The following FAM135B variants were observed in gnomAD, a reference collection of about 807,000 sequenced individuals.
FAM135B encodes the protein protein FAM135B.
In FAM135B, 43 loss-of-function variants were observed where a neutral mutation model predicts 127.7. The ratio of observed to expected loss-of-function variants is 0.34; its 90% CI spans 0.26 to 0.43. The LOEUF is 0.43. FAM135B is among the 20% of genes least tolerant of loss of function. FAM135B has a pLI of 1.00. For synonymous variants in FAM135B, 670 were observed against 665.1 expected, an observed-to-expected ratio of 1.01 and a Z score of -0.11; for missense variants, 1,558 against 1,725.6, an observed-to-expected ratio of 0.90 and a Z score of 1.72.
chr8:138,261,203 G>T (rs1822512747), intron 4 of FAM135B, among the ~76,000 whole-genome samples: 1 of 152,074 alleles, frequency 6.6e-6, no homozygotes, highest in African/African-American at 2.4e-5. Flanking sequence ...ACCAGGTCTG[G>T]CCTGGGCTCA....
At chr8:138,153,240 T>C (rs2130795160) in intron 12 of FAM135B, 24 bp from the exon 13 acceptor site, 2 of 1,485,388 alleles carry the variant, frequency 1.3e-6, no homozygotes, top group Non-Finnish European at 1.8e-6. Flanking sequence ...AGAAAGAAAA[T>C]TATATTATAG....
chr8:138,132,710 G>A lies in FAM135B; in HGVS notation c.4104C>T (p.His1368=), dbSNP rs367883703. Residue 1368 remains histidine (H), a synonymous_variant, in exon 20 of 20, where the codon CAC becomes CAT. Coordinates refer to ENST00000395297, the MANE Select transcript of FAM135B (RefSeq NM_015912.4). This position sits in a 1 kb window ranked among gnomAD's most constrained non-coding sequence, Gnocchi z 4.5. ...DCTLIRHNVF[H]ALPNTANTLI... ...GGGTGTTGGCAGTGTTGGGCAGGGC[G>A]TGGAACACGTTGTGTCGGATTAAAG... 48 of 1,614,074 alleles carry A rather than the reference G, an allele frequency of 3.0e-5. No homozygotes were observed. Among genetic ancestry groups the A allele is most frequent in the Middle Eastern group, 1.6e-4 (1 of 6,084 alleles).
chr8:138,291,486 C>A (rs1273456822), intron 3 of FAM135B, among the ~76,000 whole-genome samples: 1 of 151,908 alleles, frequency 6.6e-6, no homozygotes, highest in African/African-American at 2.4e-5. Flanking sequence ...ATAAGGCCAT[C>A]CAAGAAAAAA....
Position 138,196,082 on chromosome 8 carries a change from G to A in FAM135B, c.824-775C>T, listed in dbSNP as rs529033076. 5.3e-5 allele frequency among the ~76,000 whole-genome samples: 8 copies of A among 152,278 alleles called. No homozygotes were observed. In the South Asian group the frequency reaches 8.3e-4, roughly 16 times the overall value. ...AATGAACTATTGATACATTAGTCACGGCTATGTATCCTCAGTGTCTAGCAC... is the reference window on the plus strand; with the variant it reads ...AATGAACTATTGATACATTAGTCACAGCTATGTATCCTCAGTGTCTAGCAC... On this transcript the variant is annotated intron_variant, in intron 8 of 19. Transcript: ENST00000395297.
At chr8:138,226,478 G>T (rs1335449683) in intron 7 of FAM135B, among the ~76,000 whole-genome samples, 1 of 152,134 alleles carries the variant, frequency 6.6e-6, no homozygotes, top group Non-Finnish European at 1.5e-5. Context: ...CCAAAGAGTA[G>T]GGGTTGTCCA....
chr8:138,315,246 AC>A (rs1826993528), intron 2 of FAM135B, among the ~76,000 whole-genome samples: 1 of 152,300 alleles, frequency 6.6e-6, no homozygotes, highest in South Asian at 2.1e-4. Flanking sequence ...CCAGGGAAAC[AC>A]AAATCAAAAC....
intron 3 of FAM135B, among the ~76,000 whole-genome samples, chr8:138,298,663 A>C (rs1193173399): frequency 6.6e-6 from 1 of 152,214 alleles, no homozygotes; most frequent in Admixed American, 6.5e-5. Context: ...ATACAATAAT[A>C]TAATAGTGAC....
intron 1 of FAM135B, among the ~76,000 whole-genome samples, chr8:138,486,865 G>C (rs1815002827): frequency 6.6e-6 from 1 of 152,272 alleles, no homozygotes; most frequent in Non-Finnish European, 1.5e-5. Context: ...TAACTGCCCA[G>C]GGTCCCTTGG....
Position 138,243,082 on chromosome 8 carries a change from A to C in FAM135B, c.543-14T>G, listed in dbSNP as rs745521505. On this transcript the variant is annotated splice_polypyrimidine_tract_variant and intron_variant, in intron 6 of 19. Coordinates refer to ENST00000395297, the MANE Select transcript of FAM135B (RefSeq NM_015912.4). The surrounding 1 kb of genome is among the most constrained non-coding windows in gnomAD (Gnocchi z 7.5). ...GGACGAGTAAAACTAAACAAAAGAT[A>C]ATTGAAAGGGTGAAAAAGGAGGTAA... The C allele has an allele frequency of 1.2e-6, 2 of 1,602,514 alleles. No homozygotes were observed. Among genetic ancestry groups the C allele is most frequent in the Non-Finnish European group, 1.7e-6 (2 of 1,175,300 alleles).
chr8:138,452,183 G>A (rs1044114175), intron 1 of FAM135B, among the ~76,000 whole-genome samples: 4 of 138,826 alleles, frequency 2.9e-5, no homozygotes, highest in African/African-American at 5.4e-5. Flanking sequence ...AGGCTGGAGT[G>A]CAGTGGCATG....
intron 4 of FAM135B, among the ~76,000 whole-genome samples, chr8:138,259,034 G>C (rs888504523): frequency 1.3e-5 from 2 of 152,128 alleles, no homozygotes; most frequent in Non-Finnish European, 2.9e-5. Context: ...ATTTAATGTG[G>C]ATAAAACTAT....
intron 1 of FAM135B, among the ~76,000 whole-genome samples, chr8:138,481,357 G>C (rs10101968): frequency 0.71 from 108,070 of 152,174 alleles, 40,205 homozygotes; most frequent in East Asian, 0.98. Flanking sequence ...TAAAGGTTTT[G>C]CAAATCAGAG....
intron 1 of FAM135B, among the ~76,000 whole-genome samples, chr8:138,409,081 C>A (rs899842373): frequency 6.6e-6 from 1 of 152,186 alleles, no homozygotes; most frequent in African/African-American, 2.4e-5. Flanking sequence ...TTCAGTTGAT[C>A]TCAGCTTTTG....
rs1266395722 is a variant in FAM135B at position 138,242,982 on chromosome 8, A to G, written c.629T>C (p.Leu210Ser). 4.3e-6 allele frequency: 7 copies of G among 1,613,842 alleles called. No homozygotes were observed. The highest frequency in any genetic ancestry group is 1.6e-4 in the Middle Eastern group (1 of 6,084). The change falls in exon 7 of 20, where the codon TTG (leucine) becomes TCG (serine). Residue 210 changes from leucine to serine, a missense_variant. Leu to Ser is a moderately radical substitution (Grantham distance 145, BLOSUM62 -2). Coordinates refer to ENST00000395297, the MANE Select transcript of FAM135B (RefSeq NM_015912.4). This position sits in a 1 kb window ranked among gnomAD's most constrained non-coding sequence, Gnocchi z 9.6. ...CTTGCAGTACCCAGCTCCAAAGACCAAGTTTTCCAGAGAAATGATAGACTG... is the reference window on the plus strand; with the variant it reads ...CTTGCAGTACCCAGCTCCAAAGACCGAGTTTTCCAGAGAAATGATAGACTG... Reference protein sequence around the residue: ...QEQSIISLENLVFGAGYCKPT... With the variant: ...QEQSIISLENSVFGAGYCKPT...
At chr8:138,255,101 C>A (rs559621726) in intron 5 of FAM135B, among the ~76,000 whole-genome samples, 1 of 146,682 alleles carries the variant, frequency 6.8e-6, no homozygotes, top group African/African-American at 2.5e-5. Flanking sequence ...ACAATCAGGA[C>A]GCACTGTAAC....
intron 4 of FAM135B, among the ~76,000 whole-genome samples, chr8:138,261,336 G>A (rs1822523158): frequency 6.6e-6 from 1 of 152,114 alleles, no homozygotes; most frequent in Non-Finnish European, 1.5e-5. Flanking sequence ...CATAAAATGT[G>A]TTTCATATGT....
chr8:138,474,190 A>G (rs1273224128), intron 1 of FAM135B, among the ~76,000 whole-genome samples: 6 of 152,118 alleles, frequency 3.9e-5, no homozygotes, highest in Non-Finnish European at 8.8e-5. Flanking sequence ...CACAGTCGGG[A>G]GTGTCGCCTG....
chr8:138,162,760 C>G (rs1022898521), intron 12 of FAM135B, among the ~76,000 whole-genome samples: 3 of 152,186 alleles, frequency 2.0e-5, no homozygotes, highest in African/African-American at 7.2e-5. Context: ...ACACTCTGCT[C>G]CAGCTTTGGT....
At chr8:138,195,671 C>T (rs1816567014) in intron 8 of FAM135B, among the ~76,000 whole-genome samples, 1 of 152,142 alleles carries the variant, frequency 6.6e-6, no homozygotes, top group Non-Finnish European at 1.5e-5. Flanking sequence ...CACACACACA[C>T]ACAGGTATAC....
Sources: gnomAD v4.1 joint callset for allele counts (sites outside exome capture counted in the v4.1 genomes callset) on GRCh38, gnomAD v4.1.1 for gene constraint, Gnocchi (gnomAD v3.1) non-coding constraint, MANE v1.5 for transcripts, NCBI Gene and HGNC (gene_info 2026-07-23, HGNC 2026-07-21) for gene names.